Variants in GALNT13 observed in about 807,000 individuals in gnomAD.
GALNT13 encodes the protein polypeptide N-acetylgalactosaminyltransferase 13.
Under a neutral mutation model 64.2 loss-of-function variants are expected in GALNT13, and 28 were observed. The observed-to-expected ratio is 0.44, with a 90% confidence interval of 0.32 to 0.60. The LOEUF (loss-of-function observed/expected upper bound fraction) is 0.60, where lower values mean the gene tolerates loss of function less well. GALNT13 is among the 20% of genes least tolerant of loss of function. The pLI is 0.05. For synonymous variants in GALNT13, 214 were observed against 224.6 expected (o/e 0.95, Z 0.42); for missense variants, 577 against 669.8 (o/e 0.86, Z 1.53).
chr2:154,197,521 C>A (rs920901277), intron 4 of GALNT13, among the ~76,000 whole-genome samples: 1 of 151,910 alleles, frequency 6.6e-6, no homozygotes. Flanking sequence ...ACGTGATACA[C>A]ATAGTCAATT....
the GALNT13 span, among the ~76,000 whole-genome samples, chr2:153,797,548 T>C: frequency 6.6e-6 from 1 of 152,168 alleles, no homozygotes. Flanking sequence ...CTCTGCTTCC[T>C]ATGTCACCTC....
the GALNT13 span, among the ~76,000 whole-genome samples, chr2:153,413,869 T>C: frequency 6.6e-6 from 1 of 152,352 alleles, no homozygotes; most frequent in African/African-American, 2.4e-5. Context: ...TCTCATAGTT[T>C]AGCATCTAAG....
chr2:153,467,970 G>C, the GALNT13 span, among the ~76,000 whole-genome samples: 2 of 152,018 alleles, frequency 1.3e-5, no homozygotes, highest in African/African-American at 2.4e-5. Context: ...AGTCAGAAGA[G>C]TTTATAGAAT....
At chr2:153,106,916 G>GA in the GALNT13 span, among the ~76,000 whole-genome samples, 1 of 152,136 alleles carries the variant, frequency 6.6e-6, no homozygotes, top group African/African-American at 2.4e-5. Context: ...TAATTGGTAT[G>GA]AAAATCTGAT....
At chr2:153,974,194 C>T (rs919309486) in intron 3 of GALNT13, among the ~76,000 whole-genome samples, 2 of 152,018 alleles carry the variant, frequency 1.3e-5, no homozygotes, top group South Asian at 2.1e-4. Flanking sequence ...TTCCAACTAA[C>T]GGCAGCTCTA....
intron 10 of GALNT13, among the ~76,000 whole-genome samples, chr2:154,402,551 G>C (rs1699346025): frequency 6.6e-6 from 1 of 152,208 alleles, no homozygotes; most frequent in Non-Finnish European, 1.5e-5. Flanking sequence ...TCTTGGCCTT[G>C]TGCCATATAT....
At chr2:153,534,773 G>A in the GALNT13 span, among the ~76,000 whole-genome samples, 7 of 152,008 alleles carry the variant, frequency 4.6e-5, no homozygotes, top group Admixed American at 2.0e-4. Flanking sequence ...AGGTAATGTC[G>A]TTACTTAAGG....
At chr2:154,183,905 T>A (rs1350339688) in intron 4 of GALNT13, among the ~76,000 whole-genome samples, 1 of 152,058 alleles carries the variant, frequency 6.6e-6, no homozygotes, top group Non-Finnish European at 1.5e-5. Flanking sequence ...TTCTTTGAAA[T>A]GGAAAGTTAA....
the GALNT13 span, among the ~76,000 whole-genome samples, chr2:153,294,186 G>C: frequency 0.37 from 56,592 of 151,802 alleles, 10,869 homozygotes; most frequent in Middle Eastern, 0.49. Flanking sequence ...AATCAGTCTG[G>C]TGGAGGAGAT....
chr2:154,242,234 G>A (rs765290061), intron 5 of GALNT13, 38 bp downstream of exon 5: 1 of 1,545,642 alleles, frequency 6.5e-7, no homozygotes, highest in African/African-American at 1.4e-5. Context: ...TTGTTTTTTT[G>A]TTTTGTTTTG....
the GALNT13 span, among the ~76,000 whole-genome samples, chr2:153,710,865 G>A: frequency 2.6e-5 from 4 of 151,070 alleles, no homozygotes; most frequent in Admixed American, 6.6e-5. Flanking sequence ...TTTAAACATC[G>A]AGTGGTCTTT....
intron 8 of GALNT13, among the ~76,000 whole-genome samples, chr2:154,285,891 A>G (rs1692237709): frequency 6.6e-6 from 1 of 152,142 alleles, no homozygotes; most frequent in Non-Finnish European, 1.5e-5. Flanking sequence ...ATGTTTTATA[A>G]TTTTCAATAA....
intron 3 of GALNT13, among the ~76,000 whole-genome samples, chr2:154,021,786 C>T (rs547325391): frequency 6.6e-6 from 1 of 151,266 alleles, no homozygotes; most frequent in Non-Finnish European, 1.5e-5. Context: ...TGCCCGTTTT[C>T]AAAGGGAATG....
chr2:154,099,656 G>C (rs72870382), intron 3 of GALNT13, among the ~76,000 whole-genome samples: 10,884 of 151,992 alleles, frequency 0.072, 469 homozygotes, highest in Middle Eastern at 0.14. Flanking sequence ...TCCCAGCACC[G>C]GTCAGGCACG....
At chr2:154,109,272 C>A (rs960733212) in intron 3 of GALNT13, among the ~76,000 whole-genome samples, 7 of 151,726 alleles carry the variant, frequency 4.6e-5, no homozygotes, top group African/African-American at 1.7e-4. Context: ...TTCTTGATTT[C>A]TTTTTTAGAT....
At chr2:153,611,150 G>T in the GALNT13 span, among the ~76,000 whole-genome samples, 45 of 152,252 alleles carry the variant, frequency 3.0e-4, no homozygotes, top group East Asian at 8.7e-3. Flanking sequence ...CTAAGTTGTA[G>T]TGTGTGTGAA....
intron 9 of GALNT13, among the ~76,000 whole-genome samples, chr2:154,309,918 G>A (rs541656513): frequency 1.3e-5 from 2 of 152,278 alleles, no homozygotes; most frequent in East Asian, 3.9e-4. Context: ...AAAAGGCCCT[G>A]TGAGATCCAG....
chr2:154,263,203 A>G (rs901915334), intron 8 of GALNT13, among the ~76,000 whole-genome samples: 3 of 152,210 alleles, frequency 2.0e-5, no homozygotes, highest in African/African-American at 4.8e-5. Context: ...CCTGCATTCA[A>G]CACCCAGCTC....
the GALNT13 span, among the ~76,000 whole-genome samples, chr2:153,473,191 A>T: frequency 6.6e-6 from 1 of 151,728 alleles, no homozygotes; most frequent in African/African-American, 2.4e-5. Context: ...GTATAATAAC[A>T]AAAAAAAGGA....
Sources: allele counts gnomAD v4.1 joint callset (sites outside exome capture counted in the v4.1 genomes callset), GRCh38; gene constraint gnomAD v4.1.1; transcripts MANE v1.5; gene names NCBI Gene and HGNC (gene_info 2026-07-23, HGNC 2026-07-21).